The following PDE8B variants were observed in gnomAD, a reference collection of about 807,000 sequenced individuals.
The protein encoded by PDE8B is phosphodiesterase 8B, also known as high affinity cAMP-specific and IBMX-insensitive 3',5'-cyclic phosphodiesterase 8B.
In PDE8B, 26 loss-of-function variants were observed where a neutral mutation model predicts 101.3. The ratio of observed to expected loss-of-function variants is 0.26; its 90% confidence interval spans 0.19 to 0.36. The LOEUF is 0.36. Among genes scored for constraint, PDE8B ranks in the 10% least tolerant of loss-of-function variants. PDE8B has a pLI of 1.00. For synonymous variants in PDE8B, 424 were observed against 429.3 expected, an observed-to-expected ratio of 0.99 and a Z score of 0.15; for missense variants, 810 against 1,163.1, an observed-to-expected ratio of 0.70 and a Z score of 4.42.
the PDE8B span, chr5:77,087,238 A>G: frequency 1.3e-5 from 2 of 152,314 alleles, no homozygotes; most frequent in African/African-American, 4.8e-5. Flanking sequence ...CCTTAAAGAC[A>G]CAGCGCTGCA....
chr5:77,404,246 A>G (rs1792936364), intron 11 of PDE8B, among the ~76,000 whole-genome samples: 2 of 152,094 alleles, frequency 1.3e-5, no homozygotes, highest in South Asian at 4.2e-4. Flanking sequence ...TCAGCCTCCC[A>G]AAGTGCTGGA....
intron 4 of PDE8B, among the ~76,000 whole-genome samples, chr5:77,330,111 G>A (rs1301645532): frequency 6.6e-6 from 1 of 152,192 alleles, no homozygotes; most frequent in Non-Finnish European, 1.5e-5. Context: ...CACAGGGAAT[G>A]AATGAGGGGA....
intron 12 of PDE8B, 122 bp from the exon 13 acceptor site, chr5:77,407,259 G>A: frequency 1.3e-6 from 1 of 780,932 alleles, no homozygotes; most frequent in Non-Finnish European, 2.3e-6. Context: ...TGAATTCATG[G>A]CTTTTTAGGT....
At chr5:77,336,459 C>A (rs756067516) in intron 5 of PDE8B, among the ~76,000 whole-genome samples, 13 of 152,212 alleles carry the variant, frequency 8.5e-5, no homozygotes, top group Non-Finnish European at 7.3e-5. Context: ...CTAGATATTT[C>A]ATATACATGG....
the PDE8B span, among the ~76,000 whole-genome samples, chr5:77,103,935 T>C: frequency 1.6e-4 from 24 of 152,318 alleles, no homozygotes; most frequent in African/African-American, 5.8e-4. Flanking sequence ...AGTGTTTTCA[T>C]TGAGAGAGTC....
the PDE8B span, among the ~76,000 whole-genome samples, chr5:77,129,826 A>G: frequency 2.0e-5 from 3 of 151,812 alleles, no homozygotes; most frequent in Admixed American, 1.3e-4. Context: ...CTACCTCTAC[A>G]CTGTTTGACG....
rs994654814 is a variant in PDE8B, at chr5:77,418,342, T to C, written c.2025T>C (p.Ala675=). The change falls in exon 18 of 22, where the codon GCT becomes GCC. Residue 675 remains alanine (A), a synonymous_variant. Transcript: ENST00000264917. ...TCTGCAATGCAGGCAGTGAGCTTGC[T>C]GTGCTCTACAATGACACTGCTGTTC... ...SFLCNAGSEL[A]VLYNDTAVLE... 8.7e-6 allele frequency: 14 copies of C among 1,613,764 alleles called. No homozygotes were observed. The highest frequency in any genetic ancestry group is 3.3e-5 in the Admixed American group (2 of 60,010).
Position 77,252,315 on chromosome 5 carries a change from C to T in PDE8B, c.339+41051C>T, listed in dbSNP as rs373752681. Among the ~76,000 whole-genome samples the T allele has an allele frequency of 6.6e-5, 10 of 152,342 alleles. No homozygotes were observed. The South Asian group carries it at 2.1e-3, about 32-fold the overall frequency. On this transcript the variant is annotated intron_variant, in intron 1 of 21. Coordinates refer to ENST00000264917, the MANE Select transcript of PDE8B (RefSeq NM_003719.5). ...CTTTAGCCTCCTTTTACCCTTGAAT[C>T]TGTTAAAATAAGAAGCTCAGTTTTA...
intron 10 of PDE8B, among the ~76,000 whole-genome samples, chr5:77,378,628 CAG>C (rs1413746530): frequency 6.6e-6 from 1 of 152,108 alleles, no homozygotes; most frequent in Admixed American, 6.6e-5. Flanking sequence ...GCTTGCGAGT[CAG>C]TAGTTCTAAC....
intron 1 of PDE8B, among the ~76,000 whole-genome samples, chr5:77,217,051 T>A (rs1406327488): frequency 1.3e-5 from 2 of 152,262 alleles, no homozygotes; most frequent in Non-Finnish European, 2.9e-5. Context: ...TTACAGTTCC[T>A]GTTTGATGAC....
intron 2 of PDE8B, among the ~76,000 whole-genome samples, chr5:77,318,418 T>A (rs571057836): frequency 6.6e-6 from 1 of 152,316 alleles, no homozygotes; most frequent in East Asian, 1.9e-4. Context: ...TTACTTAACA[T>A]AGTGATTACA....
At chr5:77,165,923 G>A in the PDE8B span, among the ~76,000 whole-genome samples, 4 of 142,302 alleles carry the variant, frequency 2.8e-5, 1 homozygote, top group South Asian at 4.3e-4. Context: ...GAAGAATCAC[G>A]AACCCAGGAA....
the PDE8B span, among the ~76,000 whole-genome samples, chr5:77,118,147 A>C: frequency 6.6e-6 from 1 of 152,072 alleles, no homozygotes; most frequent in African/African-American, 2.4e-5. Flanking sequence ...GGGTTTCACC[A>C]TGTTGGCCAG....
chr5:77,218,092 G>A (rs1580373756), intron 1 of PDE8B, among the ~76,000 whole-genome samples: 2 of 152,286 alleles, frequency 1.3e-5, no homozygotes, highest in South Asian at 2.1e-4. Flanking sequence ...GCTTGTGATT[G>A]CTGTAATAAA....
At chr5:77,360,873 G>C (rs1054847793) in intron 10 of PDE8B, among the ~76,000 whole-genome samples, 1 of 152,114 alleles carries the variant, frequency 6.6e-6, no homozygotes, top group Non-Finnish European at 1.5e-5. Context: ...ATCCTACAGA[G>C]CCTCATGACC....
intron 10 of PDE8B, among the ~76,000 whole-genome samples, chr5:77,376,339 T>A (rs1561608812): frequency 6.6e-6 from 1 of 152,172 alleles, no homozygotes; most frequent in Non-Finnish European, 1.5e-5. Context: ...AATACTGTCT[T>A]TGGGCACTTC....
intron 1 of PDE8B, among the ~76,000 whole-genome samples, chr5:77,253,722 CT>C (rs1481080694): frequency 6.6e-6 from 1 of 152,044 alleles, no homozygotes; most frequent in African/African-American, 2.4e-5. Context: ...CTGTATACCC[CT>C]GGCTCTTGAT....
chr5:77,161,580 G>T, the PDE8B span, among the ~76,000 whole-genome samples: 3 of 151,976 alleles, frequency 2.0e-5, no homozygotes, highest in Admixed American at 6.6e-5. Flanking sequence ...ATCCTTTTGT[G>T]GACATACATT....
intron 10 of PDE8B, among the ~76,000 whole-genome samples, chr5:77,381,241 C>T (rs1227997583): frequency 6.6e-6 from 1 of 152,184 alleles, no homozygotes. Context: ...TGAGAATAGA[C>T]TGGGTTGGGC....
Sources: gnomAD v4.1 joint callset for allele counts (sites outside exome capture counted in the v4.1 genomes callset) on GRCh38, gnomAD v4.1.1 for gene constraint, MANE v1.5 for transcripts, NCBI Gene and HGNC (gene_info 2026-07-23, HGNC 2026-07-21) for gene names.